PCCA: variants seen among roughly 807,000 people sequenced by gnomAD.
The protein encoded by PCCA is propionyl-CoA carboxylase alpha chain, mitochondrial.
A neutral mutation model predicts 101.3 loss-of-function variants in PCCA; 74 were observed. The ratio of observed to expected loss-of-function variants is 0.73; its 90% CI spans 0.61 to 0.89. The LOEUF (loss-of-function observed/expected upper bound fraction) is 0.89, where lower values mean the gene tolerates loss of function less well. PCCA is among the 40% of genes least tolerant of loss of function. The probability of loss-of-function intolerance (pLI) is 0.00; values close to 1 mark genes in which losing one functional copy is unlikely to be tolerated. For missense variants in PCCA, 891 were observed against 907.0 expected, an observed-to-expected ratio of 0.98 and a Z score of 0.23; for synonymous variants, 294 against 313.6, an observed-to-expected ratio of 0.94 and a Z score of 0.66.
chr13:100,260,787 T>G (rs1181097082), intron 9 of PCCA, among the ~76,000 whole-genome samples: 2 of 152,136 alleles, frequency 1.3e-5, no homozygotes, highest in East Asian at 3.9e-4. Flanking sequence ...ATCTTAAGTG[T>G]ACCAACCTGG....
chr13:100,112,793 G>T (rs2152280943), intron 4 of PCCA, among the ~76,000 whole-genome samples: 1 of 152,082 alleles, frequency 6.6e-6, no homozygotes, highest in African/African-American at 2.4e-5. Flanking sequence ...CCAGGCTGGT[G>T]TTGAACTCCT....
chr13:100,287,436 C>A (rs765825632), intron 12 of PCCA, among the ~76,000 whole-genome samples: 4 of 151,904 alleles, frequency 2.6e-5, no homozygotes, highest in Non-Finnish European at 4.4e-5. Flanking sequence ...AAAATATGTT[C>A]TTTTTTTCCC....
rs1263307378 is a variant in PCCA at position 100,318,817 on chromosome 13, G to C, written c.1429+8909G>C. Among the ~76,000 whole-genome samples, 3 of 152,148 alleles carry C rather than the reference G, an allele frequency of 2.0e-5. No individual in the cohort carries two copies. In the East Asian group the frequency reaches 5.8e-4, roughly 29 times the overall value. On this transcript the variant is annotated intron_variant, in intron 16 of 23. Coordinates refer to ENST00000376285, the MANE Select transcript of PCCA (RefSeq NM_000282.4). ...AACGTGTGCATGTGTCTTTATAGCA[G>C]CATGATTTATAATCCTTTGGGTATA...
chr13:100,488,732 G>A (rs529288782), intron 21 of PCCA, among the ~76,000 whole-genome samples: 1 of 151,312 alleles, frequency 6.6e-6, no homozygotes, highest in Non-Finnish European at 1.5e-5. Flanking sequence ...CTTGAGCCCA[G>A]GAGTTTGAGC....
intron 21 of PCCA, among the ~76,000 whole-genome samples, chr13:100,467,443 C>T (rs922677908): frequency 2.0e-5 from 3 of 152,200 alleles, no homozygotes; most frequent in African/African-American, 7.2e-5. Flanking sequence ...ACAGTCTCCC[C>T]TCACTGCAAG....
chr13:100,142,893 G>A lies in PCCA; in HGVS notation c.301-12086G>A, dbSNP rs564898204. Among the ~76,000 whole-genome samples, 11 of 152,278 alleles carry A rather than the reference G, an allele frequency of 7.2e-5. No homozygotes were observed. The South Asian group carries it at 1.0e-3, about 14-fold the overall frequency. On this transcript the variant is annotated intron_variant, in intron 4 of 23. Transcript: ENST00000376285. ...GGTTCAGCTGGTGGCCCAGCATAGC[G>A]TATCAGGCTCCCTGTGTATGACAGT...
intron 9 of PCCA, 122 bp from the exon 10 acceptor site, chr13:100,262,607 T>C: frequency 1.5e-6 from 1 of 684,856 alleles, no homozygotes; most frequent in Non-Finnish European, 2.6e-6. Flanking sequence ...ATTTAATCGA[T>C]TGTGTTTTCT....
At chr13:100,150,512 C>T (rs935591798) in intron 4 of PCCA, 5 of 1,353,094 alleles carry the variant, frequency 3.7e-6, no homozygotes, top group Non-Finnish European at 5.0e-6. Context: ...GAGAGTATTG[C>T]GCCTTCTCCA....
At chr13:100,205,538 C>CTTTTTTTTTTTTTTTTTTTT (rs3034652) in intron 6 of PCCA, among the ~76,000 whole-genome samples, 1 of 112,134 alleles carries the variant, frequency 8.9e-6, no homozygotes, top group African/African-American at 3.5e-5. Context: ...TTGATATAAG[C>CTTTTTTTTTTTTTTTTTTTT]TTTTTTTTTT....
intron 18 of PCCA, among the ~76,000 whole-genome samples, chr13:100,349,357 C>A (rs2072976328): frequency 6.6e-6 from 1 of 152,126 alleles, no homozygotes; most frequent in Non-Finnish European, 1.5e-5. Flanking sequence ...GAACTCCTGA[C>A]CTCAGATAAT....
intron 19 of PCCA, among the ~76,000 whole-genome samples, chr13:100,381,742 C>G (rs894233356): frequency 3.9e-5 from 6 of 152,172 alleles, no homozygotes; most frequent in African/African-American, 1.4e-4. Flanking sequence ...AGCACACGAG[C>G]GAAGGAGGCG....
intron 18 of PCCA, among the ~76,000 whole-genome samples, chr13:100,348,787 T>TCTTTCTTTCTTTCTTTCTTC (rs1298483783): frequency 2.1e-5 from 1 of 46,642 alleles, no homozygotes; most frequent in African/African-American, 7.0e-5. Flanking sequence ...TTTCTTTCTT[T>TCTTTCTTTCTTTCTTTCTTC]CTTCCTTCCT....
chr13:100,173,574 C>T (rs1307845464), intron 6 of PCCA, among the ~76,000 whole-genome samples: 1 of 152,164 alleles, frequency 6.6e-6, no homozygotes, highest in Non-Finnish European at 1.5e-5. Context: ...GATAAGTGTA[C>T]ATTTCTGCAA....
intron 19 of PCCA, among the ~76,000 whole-genome samples, chr13:100,371,350 A>G (rs1436093784): frequency 6.6e-6 from 1 of 152,244 alleles, no homozygotes; most frequent in Non-Finnish European, 1.5e-5. Flanking sequence ...AATATATTTG[A>G]CCAAGGAGGC....
rs538701595 is a variant in PCCA at position 100,382,338 on chromosome 13, C to T, written c.1746+13764C>T. 7.8e-3 allele frequency among the ~76,000 whole-genome samples: 1,189 copies of T among 152,228 alleles called. 10 individuals carry two copies. Among genetic ancestry groups the T allele is most frequent in the Non-Finnish European group, 0.013 (902 of 68,000 alleles). On this transcript the variant is annotated intron_variant, in intron 19 of 23. Coordinates refer to ENST00000376285, the MANE Select transcript of PCCA (RefSeq NM_000282.4). ...CCCTCTGAAGTCAAGTCCCTTCTCT[C>T]CAACATTCAGCTGCTTCTCCTCTCT... is the stretch of plus-strand genomic sequence containing the variant.
At chr13:100,276,070 G>A (rs540952725) in intron 12 of PCCA, among the ~76,000 whole-genome samples, 5 of 151,956 alleles carry the variant, frequency 3.3e-5, no homozygotes, top group Middle Eastern at 6.8e-3. Flanking sequence ...CATGAAATGC[G>A]TTTTTACTCT....
intron 21 of PCCA, among the ~76,000 whole-genome samples, chr13:100,494,631 C>A (rs545722783): frequency 5.6e-4 from 84 of 150,330 alleles, no homozygotes; most frequent in African/African-American, 1.9e-3. Context: ...TGCGGTGAGC[C>A]GAGATCGCGC....
At chr13:100,359,892 C>T (rs1181969004) in intron 18 of PCCA, among the ~76,000 whole-genome samples, 8 of 152,134 alleles carry the variant, frequency 5.3e-5, no homozygotes, top group South Asian at 2.1e-4. Context: ...AATGCAGGCC[C>T]GATAGTAATT....
chr13:100,220,784 C>T (rs1051945133), intron 7 of PCCA, among the ~76,000 whole-genome samples: 6 of 152,208 alleles, frequency 3.9e-5, no homozygotes, highest in African/African-American at 7.2e-5. Flanking sequence ...AGAAGTCTGA[C>T]TCTGAGAGAC....
Sources: gnomAD v4.1 joint callset for allele counts (sites outside exome capture counted in the v4.1 genomes callset) on GRCh38, gnomAD v4.1.1 for gene constraint, MANE v1.5 for transcripts, NCBI Gene and HGNC (gene_info 2026-07-23, HGNC 2026-07-21) for gene names.